Variants in DCLK2 observed in about 807,000 individuals in gnomAD.
The protein encoded by DCLK2 is serine/threonine-protein kinase DCLK2.
A neutral mutation model predicts 78.4 loss-of-function variants in DCLK2; 31 were observed. That is an observed-to-expected ratio of 0.40 (90% CI 0.30 to 0.53). The LOEUF (loss-of-function observed/expected upper bound fraction) is 0.53, where lower values mean the gene tolerates loss of function less well. Ranked by LOEUF, DCLK2 falls within the 20% of genes least tolerant of loss-of-function variation. The pLI is 0.61. For synonymous variants in DCLK2, 407 were observed against 374.9 expected (o/e 1.09, Z -0.99); for missense variants, 872 against 973.7 (o/e 0.90, Z 1.39).
chr4:150,079,332 TCCTCATA>T lies in DCLK2; in HGVS notation c.306_312del (p.Leu103SerfsTer10). On this transcript the variant is annotated frameshift_variant, in exon 1 of 16. Transcript: ENST00000296550. LOFTEE classifies it high-confidence loss of function. ...GACCGCTTCCGGTCCTTCGATGCGC[TCCTCATA>T]GAGCTCACCCGCTCCCTGTCGGACA... 1 of 1,589,188 alleles carries T rather than the reference TCCTCATA, an allele frequency of 6.3e-7. No homozygotes were observed.
At chr4:150,148,055 G>A (rs114030341) in intron 2 of DCLK2, among the ~76,000 whole-genome samples, 4,383 of 152,260 alleles carry the variant, frequency 0.029, 174 homozygotes, top group African/African-American at 0.096. Context: ...TCTTCCTGAA[G>A]GGATCATTAA....
chr4:150,220,659 T>G, intron 5 of DCLK2, 44 bp from the exon 6 acceptor site: 1 of 1,522,530 alleles, frequency 6.6e-7, no homozygotes, highest in Non-Finnish European at 9.1e-7. Context: ...TAGCTAGGGA[T>G]TTGTAAATTA....
At chr4:150,213,018 G>A (rs900278177) in intron 5 of DCLK2, among the ~76,000 whole-genome samples, 1 of 152,326 alleles carries the variant, frequency 6.6e-6, no homozygotes, top group African/African-American at 2.4e-5. Flanking sequence ...GTGAAAGCAT[G>A]CAGGTATTTT....
chr4:150,080,288 A>G (rs1427332804), intron 1 of DCLK2, among the ~76,000 whole-genome samples: 2 of 152,244 alleles, frequency 1.3e-5, no homozygotes, highest in African/African-American at 4.8e-5. Flanking sequence ...GGGACTTATT[A>G]AAAATTAGTA....
intron 4 of DCLK2, among the ~76,000 whole-genome samples, chr4:150,200,449 G>A (rs1157473956): frequency 6.6e-6 from 1 of 152,190 alleles, no homozygotes; most frequent in East Asian, 1.9e-4. Flanking sequence ...GGATTTGAGT[G>A]AATCTCAAGA....
chr4:150,081,592 T>C (rs1253562745), intron 1 of DCLK2, among the ~76,000 whole-genome samples: 1 of 152,166 alleles, frequency 6.6e-6, no homozygotes, highest in African/African-American at 2.4e-5. Context: ...AGAAGAAAAC[T>C]TGGACACTTT....
intron 5 of DCLK2, among the ~76,000 whole-genome samples, chr4:150,215,565 G>A (rs931365573): frequency 2.6e-5 from 4 of 152,182 alleles, no homozygotes; most frequent in Admixed American, 6.5e-5. Flanking sequence ...TGCATAGGGC[G>A]AGGTATGGGG....
At chr4:150,199,449 A>C (rs1739304341) in intron 4 of DCLK2, among the ~76,000 whole-genome samples, 3 of 152,228 alleles carry the variant, frequency 2.0e-5, no homozygotes, top group Admixed American at 2.0e-4. Flanking sequence ...TTCTGTGCTC[A>C]CCCCCTCCCC....
intron 2 of DCLK2, among the ~76,000 whole-genome samples, chr4:150,112,918 C>G (rs1201361858): frequency 1.3e-5 from 2 of 148,956 alleles, no homozygotes; most frequent in Non-Finnish European, 3.0e-5. Context: ...TCAAGAGATT[C>G]TCGTGCCTCA....
chr4:150,158,557 T>G (rs963859010), intron 2 of DCLK2, among the ~76,000 whole-genome samples: 1 of 152,206 alleles, frequency 6.6e-6, no homozygotes, highest in South Asian at 2.1e-4. Context: ...ATTCCTCTAT[T>G]GAGCACCTAA....
At chr4:150,235,439 A>G (rs758464062) in intron 10 of DCLK2, among the ~76,000 whole-genome samples, 5 of 152,154 alleles carry the variant, frequency 3.3e-5, no homozygotes, top group Non-Finnish European at 7.4e-5. Flanking sequence ...GCAATCAGGA[A>G]ATCAGAGTCA....
rs79608930 is a variant in DCLK2 at position 150,078,834 on chromosome 4, A to G, written c.-194A>G. ...TGACCTGGGCAGCTCGGCGCTGCGGACACTTTTAGCTGAGGGCGCGGGCGG... is the reference window on the plus strand; with the variant it reads ...TGACCTGGGCAGCTCGGCGCTGCGGGCACTTTTAGCTGAGGGCGCGGGCGG... On this transcript the variant is annotated 5_prime_UTR_variant, in exon 1 of 16. Transcript: ENST00000296550. 1.2e-3 allele frequency: 722 copies of G among 605,380 alleles called. No homozygotes were observed. The highest frequency in any genetic ancestry group is 1.7e-3 in the Non-Finnish European group (656 of 382,474). The allele number at this position is 605,380 out of a possible 1,614,324, so 37.5% of individuals were successfully genotyped here. A position where few individuals can be genotyped will look rare whatever the true frequency, so the allele number is the denominator to read the frequency against.
intron 2 of DCLK2, among the ~76,000 whole-genome samples, chr4:150,188,194 C>T (rs918119897): frequency 6.6e-6 from 1 of 152,096 alleles, no homozygotes; most frequent in Non-Finnish European, 1.5e-5. Context: ...AAAATTGTGC[C>T]CAGGTGTGGC....
intron 2 of DCLK2, among the ~76,000 whole-genome samples, chr4:150,113,003 G>A (rs892708139): frequency 6.6e-6 from 1 of 151,876 alleles, no homozygotes; most frequent in South Asian, 2.1e-4. Flanking sequence ...TAGAGACAGA[G>A]TTTTGTCATG....
At chr4:150,186,641 T>TA (rs1213107443) in intron 2 of DCLK2, among the ~76,000 whole-genome samples, 8 of 152,232 alleles carry the variant, frequency 5.3e-5, no homozygotes, top group African/African-American at 1.9e-4. Flanking sequence ...TGGTGAGAGT[T>TA]ACTTTACTTT....
intron 2 of DCLK2, among the ~76,000 whole-genome samples, chr4:150,155,667 A>G (rs1354983622): frequency 6.6e-6 from 1 of 152,162 alleles, no homozygotes; most frequent in African/African-American, 2.4e-5. Flanking sequence ...GCTTGCAGTA[A>G]TCATGGGTAA....
chr4:150,184,430 A>ATT (rs1580669469), intron 2 of DCLK2, among the ~76,000 whole-genome samples: 2 of 152,310 alleles, frequency 1.3e-5, no homozygotes, highest in East Asian at 3.9e-4. Flanking sequence ...AGAAACTAAA[A>ATT]TATTTAGACT....
chr4:150,238,686 G>T (rs535571616), intron 10 of DCLK2, among the ~76,000 whole-genome samples: 2 of 151,920 alleles, frequency 1.3e-5, no homozygotes, highest in South Asian at 4.2e-4. Context: ...CATTTATTGA[G>T]CCCTGTTCTG....
intron 2 of DCLK2, among the ~76,000 whole-genome samples, chr4:150,117,992 A>G (rs1226159875): frequency 6.6e-6 from 1 of 152,098 alleles, no homozygotes; most frequent in Non-Finnish European, 1.5e-5. Context: ...TGTAATTCCC[A>G]TTTTACAGTG....
Sources: allele counts gnomAD v4.1 joint callset (sites outside exome capture counted in the v4.1 genomes callset), GRCh38; gene constraint gnomAD v4.1.1; transcripts MANE v1.5; gene names NCBI Gene and HGNC (gene_info 2026-07-23, HGNC 2026-07-21).